USP8: variants seen among roughly 807,000 people sequenced by gnomAD.
USP8 encodes ubiquitin specific peptidase 8, also known as ubiquitin carboxyl-terminal hydrolase 8.
A neutral mutation model predicts 130.0 loss-of-function variants in USP8; 27 were observed. The observed-to-expected ratio is 0.21, with a 90% CI of 0.15 to 0.29. The LOEUF is 0.29. Ranked by LOEUF, USP8 falls within the 10% of genes least tolerant of loss-of-function variation. USP8 has a pLI of 1.00. For synonymous variants in USP8, 392 were observed against 444.1 expected (o/e 0.88, Z 1.48); for missense variants, 1,029 against 1,312.2 (o/e 0.78, Z 3.33).
intron 1 of USP8, among the ~76,000 whole-genome samples, chr15:50,438,080 G>C (rs1292300300): frequency 6.6e-6 from 1 of 152,192 alleles, no homozygotes; most frequent in Admixed American, 6.5e-5. Context: ...GAAGGGATGA[G>C]TACCAATAAA....
chr15:50,428,583 CAA>C (rs969508722), intron 1 of USP8, among the ~76,000 whole-genome samples: 12 of 146,624 alleles, frequency 8.2e-5, no homozygotes, highest in East Asian at 2.2e-4. Flanking sequence ...AAATTAGTAA[CAA>C]GAGATTAACA....
At chr15:50,425,651 G>A (rs1437681189) in intron 1 of USP8, among the ~76,000 whole-genome samples, 1 of 151,516 alleles carries the variant, frequency 6.6e-6, no homozygotes, top group Non-Finnish European at 1.5e-5. Context: ...TGAAGACCCT[G>A]TAGTAGTTTA....
intron 12 of USP8, among the ~76,000 whole-genome samples, chr15:50,485,033 A>G (rs1176571310): frequency 6.6e-6 from 1 of 152,244 alleles, no homozygotes; most frequent in Non-Finnish European, 1.5e-5. Context: ...CAGTTTTACA[A>G]GATGAAAAGA....
At chr15:50,450,379 A>T (rs1347759072) in intron 4 of USP8, among the ~76,000 whole-genome samples, 4 of 150,470 alleles carry the variant, frequency 2.7e-5, no homozygotes, top group African/African-American at 9.8e-5. Flanking sequence ...TGATTCTGGT[A>T]TTTGCCATGA....
intron 1 of USP8, among the ~76,000 whole-genome samples, chr15:50,431,933 G>C (rs1392030141): frequency 3.3e-5 from 5 of 152,190 alleles, no homozygotes; most frequent in Non-Finnish European, 7.3e-5. Context: ...TGGGATTACA[G>C]GTGTCAGCCA....
intron 1 of USP8, among the ~76,000 whole-genome samples, chr15:50,437,844 G>A (rs140006652): frequency 6.6e-6 from 1 of 152,344 alleles, no homozygotes; most frequent in Non-Finnish European, 1.5e-5. Flanking sequence ...TACAGCTTTA[G>A]ACACAGGACC....
chr15:50,451,234 C>T (rs1282942897), intron 4 of USP8, among the ~76,000 whole-genome samples: 2 of 152,026 alleles, frequency 1.3e-5, no homozygotes, highest in Non-Finnish European at 2.9e-5. Flanking sequence ...ATGGTAAAGC[C>T]CCGTCTCTAC....
rs118168098 is a variant in USP8 at position 50,458,652 on chromosome 15, G to A, written c.336-348G>A. On this transcript the variant is annotated intron_variant, in intron 4 of 19. Transcript: ENST00000307179. ...TATTCTAAATTATCAACATAAGTGT[G>A]ATATTTGGGCTGTTTCTTTTGCAGA... 1,881 of 188,832 alleles carry A rather than the reference G, an allele frequency of 1.0e-2. 15 individuals are homozygous for A. The highest frequency in any genetic ancestry group is 0.015 in the Non-Finnish European group (1,327 of 90,592). 11.7% of individuals were successfully genotyped at this position (188,832 alleles called of 1,614,324 possible).
At chr15:50,427,308 A>G (rs563194764) in intron 1 of USP8, among the ~76,000 whole-genome samples, 30 of 152,194 alleles carry the variant, frequency 2.0e-4, no homozygotes, top group Non-Finnish European at 3.5e-4. Flanking sequence ...ATGTTTTTGT[A>G]TATTTTTTCA....
chr15:50,435,723 A>G (rs2050072866), intron 1 of USP8, among the ~76,000 whole-genome samples: 1 of 152,234 alleles, frequency 6.6e-6, no homozygotes, highest in Non-Finnish European at 1.5e-5. Flanking sequence ...AATAGAAACA[A>G]CTATGGTTTT....
chr15:50,445,562 A>AAAAAAAAAAAAAAAAAAAAC, intron 3 of USP8, among the ~76,000 whole-genome samples: 1 of 110,230 alleles, frequency 9.1e-6, no homozygotes, highest in African/African-American at 3.4e-5. Context: ...AAAAAAAAAA[A>AAAAAAAAAAAAAAAAAAAAC]AAAAAAAGCC....
intron 1 of USP8, among the ~76,000 whole-genome samples, chr15:50,435,784 T>C (rs905339391): frequency 6.6e-6 from 1 of 152,194 alleles, no homozygotes; most frequent in African/African-American, 2.4e-5. Context: ...TTGAACTGTT[T>C]CCAAAAATCA....
rs2052677082 is a variant in USP8, at chr15:50,507,375, G to A, written c.*8287G>A. ...GTGTATTTCCCTTGAGCATCATGTT[G>A]GTGCTTAAAATGTTTCAGATTTTGG... On this transcript the variant is annotated 3_prime_UTR_variant, in exon 20 of 20. Coordinates refer to ENST00000307179, the MANE Select transcript of USP8 (RefSeq NM_005154.5). 6.6e-6 allele frequency: 1 copy of A among 152,178 alleles called. No homozygotes were observed. The highest frequency in any genetic ancestry group is 1.5e-5 in the Non-Finnish European group (1 of 68,044). The allele number at this position is 152,178 out of a possible 1,614,324, so 9.4% of individuals were successfully genotyped here. A position where few individuals can be genotyped will look rare whatever the true frequency, so the allele number is the denominator to read the frequency against.
intron 2 of USP8, among the ~76,000 whole-genome samples, chr15:50,440,510 G>T (rs2050220942): frequency 6.6e-6 from 1 of 152,156 alleles, no homozygotes; most frequent in African/African-American, 2.4e-5. Context: ...ATAGTTTTGG[G>T]ATGAGTCAAG....
intron 3 of USP8, among the ~76,000 whole-genome samples, chr15:50,444,906 C>T (rs563253837): frequency 2.6e-4 from 39 of 152,066 alleles, no homozygotes; most frequent in African/African-American, 9.2e-4. Flanking sequence ...TACAGACACG[C>T]ACCACCACAC....
At chr15:50,490,006 C>A in intron 13 of USP8, 125 bp downstream of exon 13, 1 of 902,996 alleles carries the variant, frequency 1.1e-6, no homozygotes, top group Non-Finnish European at 1.6e-6. Context: ...ATAGCTTATT[C>A]CCCTAATTAT....
chr15:50,429,046 AGGT>A (rs2049840963), intron 1 of USP8, among the ~76,000 whole-genome samples: 2 of 152,198 alleles, frequency 1.3e-5, no homozygotes, highest in African/African-American at 4.8e-5. Flanking sequence ...GGGCGAAGTG[AGGT>A]GGTGCACAAT....
intron 1 of USP8, among the ~76,000 whole-genome samples, chr15:50,433,899 A>ACGCC (rs1339361573): frequency 2.6e-5 from 4 of 152,128 alleles, no homozygotes; most frequent in Admixed American, 2.0e-4. Flanking sequence ...GCCACTGTGC[A>ACGCC]CGGCTGCATT....
rs3131610 is a variant in USP8, at chr15:50,507,898, G to A, written c.*8810G>A. 37,990 of 151,310 alleles carry A rather than the reference G, an allele frequency of 0.25. 5,149 individuals carry two copies. The highest frequency in any genetic ancestry group is 0.56 in the East Asian group (2,888 of 5,124). 9.4% of individuals were successfully genotyped at this position (151,310 alleles called of 1,614,324 possible). A position where few individuals can be genotyped will look rare whatever the true frequency, so the allele number is the denominator to read the frequency against. On this transcript the variant is annotated 3_prime_UTR_variant, in exon 20 of 20. Transcript: ENST00000307179. ...AGCCTGGCCAACATGGAGAAACCCCGTCTCTACTAAAAATACAAAAAATTA... is the reference window on the plus strand; with the variant it reads ...AGCCTGGCCAACATGGAGAAACCCCATCTCTACTAAAAATACAAAAAATTA...
Sources: allele counts gnomAD v4.1 joint callset (sites outside exome capture counted in the v4.1 genomes callset), GRCh38; gene constraint gnomAD v4.1.1; transcripts MANE v1.5; gene names NCBI Gene and HGNC (gene_info 2026-07-23, HGNC 2026-07-21).